Variants in UBP1 observed in about 807,000 individuals in gnomAD.
UBP1 encodes the protein upstream-binding protein 1.
A neutral mutation model predicts 76.1 loss-of-function variants in UBP1; 22 were observed. The observed-to-expected ratio is 0.29, with a 90% CI of 0.21 to 0.41. The LOEUF (loss-of-function observed/expected upper bound fraction) is 0.41. UBP1 is among the 10% of genes least tolerant of loss of function. The pLI is 1.00. For missense variants in UBP1, 436 were observed against 668.1 expected (o/e 0.65, Z 3.83); for synonymous variants, 224 against 237.1 (o/e 0.94, Z 0.51).
At chr3:33,396,135 C>T in intron 13 of UBP1, 27 bp downstream of exon 13, 1 of 1,520,004 alleles carries the variant, frequency 6.6e-7, no homozygotes, top group Non-Finnish European at 9.0e-7. Context: ...TCAGAAGTGA[C>T]AGAATTGAGA....
chr3:33,432,884 A>G (rs1317547351), intron 1 of UBP1, among the ~76,000 whole-genome samples: 9 of 152,220 alleles, frequency 5.9e-5, no homozygotes, highest in Admixed American at 5.9e-4. Flanking sequence ...TTGTATAAGT[A>G]GGAGAAGCTG....
chr3:33,432,652 T>G (rs1181997197), intron 1 of UBP1, among the ~76,000 whole-genome samples: 1 of 152,158 alleles, frequency 6.6e-6, no homozygotes, highest in Non-Finnish European at 1.5e-5. Context: ...ATTACATGTT[T>G]CTAAAACAGT....
At chr3:33,400,090 C>G in intron 11 of UBP1, 99 bp downstream of exon 11, 1 of 686,402 alleles carries the variant, frequency 1.5e-6, no homozygotes, top group Non-Finnish European at 2.1e-6. Context: ...AACTTCCTAT[C>G]CATAGTTATT....
intron 2 of UBP1, among the ~76,000 whole-genome samples, chr3:33,421,827 T>C (rs2044902738): frequency 2.0e-5 from 3 of 152,100 alleles, no homozygotes; most frequent in Admixed American, 6.5e-5. Context: ...GGTGGGTGGA[T>C]CACTTGAAGC....
chr3:33,412,932 A>G (rs2044629259), intron 3 of UBP1, 105 bp from the exon 4 acceptor site: 2 of 705,504 alleles, frequency 2.8e-6, no homozygotes, highest in Non-Finnish European at 5.1e-6. Context: ...AACACATACA[A>G]CTAGATTCTG....
chr3:33,415,149 T>C (rs1248208947), intron 3 of UBP1, among the ~76,000 whole-genome samples: 1 of 152,238 alleles, frequency 6.6e-6, no homozygotes, highest in East Asian at 1.9e-4. Flanking sequence ...CTTGCCAAAA[T>C]ATTTTAAACA....
chr3:33,439,994 G>T lies in UBP1; in HGVS notation c.-146C>A. On this transcript the variant is annotated 5_prime_UTR_variant, in exon 1 of 16. Coordinates refer to ENST00000283629, the MANE Select transcript of UBP1 (RefSeq NM_014517.5). The stretch of plus-strand genomic sequence containing the variant: ...GTCACCAGCGGCGGCCGGGACGAGA[G>T]CTGCGGGGGCCCCACTGGCAGGGCA... The T allele has an allele frequency of 1.3e-6, 1 of 780,872 alleles. No individual in the cohort carries two copies. The highest frequency in any genetic ancestry group is 1.9e-6 in the Non-Finnish European group (1 of 522,678). The allele number at this position is 780,872 out of a possible 1,614,324, so 48.4% of individuals were successfully genotyped here. A position where few individuals can be genotyped will look rare whatever the true frequency, so the allele number is the denominator to read the frequency against.
chr3:33,393,881 A>G (rs1192729232), intron 13 of UBP1, among the ~76,000 whole-genome samples: 1 of 152,244 alleles, frequency 6.6e-6, no homozygotes, highest in Non-Finnish European at 1.5e-5. Flanking sequence ...TAAATTGGCT[A>G]AAATACCATT....
In UBP1 at chr3:33,434,730, AG is replaced by A. The variant is rs533386507; in HGVS notation, c.113+5005del. On this transcript the variant is annotated intron_variant, in intron 1 of 15. Transcript: ENST00000283629. ...TGAGATGGAGTCTCTCTCTGTCACC[AG>A]GCTGGAGCACAGTGGCGCGATCTCA... Among the ~76,000 whole-genome samples, 28 of 124,236 alleles carry A rather than the reference AG, an allele frequency of 2.3e-4. No individual in the cohort carries two copies. The South Asian group carries it at 6.7e-3, about 30-fold the overall frequency. 81.5% of individuals were successfully genotyped at this position (124,236 alleles called of 152,430 possible). A position where few individuals can be genotyped will look rare whatever the true frequency, so the allele number is the denominator to read the frequency against.
intron 1 of UBP1, among the ~76,000 whole-genome samples, chr3:33,431,743 GAAAA>G (rs200249392): frequency 1.7e-5 from 2 of 114,532 alleles, no homozygotes; most frequent in Admixed American, 1.6e-4. Flanking sequence ...CCGTCTCAAA[GAAAA>G]AAAAAAAAAA....
intron 8 of UBP1, among the ~76,000 whole-genome samples, chr3:33,404,681 T>C (rs1421115877): frequency 3.9e-5 from 6 of 152,092 alleles, no homozygotes; most frequent in Non-Finnish European, 7.4e-5. Flanking sequence ...ATAACTCTAA[T>C]GACTAAGTTT....
rs767116662 is a variant in UBP1, at chr3:33,408,718, T to C, written c.899A>G (p.Tyr300Cys). The C allele has an allele frequency of 1.2e-6, 2 of 1,614,040 alleles. No individual in the cohort carries two copies. Among genetic ancestry groups the C allele is most frequent in the Non-Finnish European group, 1.7e-6 (2 of 1,179,944 alleles). Reference sequence around the variant, plus strand: ...GCCTCGCTTTGCCAGAGAATCACCGTAGTCTGCTGGCAAAGTCCGCTTGCT... The same window carrying C: ...GCCTCGCTTTGCCAGAGAATCACCGCAGTCTGCTGGCAAAGTCCGCTTGCT... ...KSSKRTLPAD[Y>C]GDSLAKRGSC... is the part of the protein sequence containing the mutation. Residue 300 changes from tyrosine to cysteine, a missense_variant, in exon 8 of 16, where the codon TAC becomes TGC. By Grantham distance (194) the Tyr-to-Cys change is radical (BLOSUM62 -2). Around this residue, in one of 3 missense-constraint regions of UBP1, gnomAD observed 65 missense variants for 157.4 expected, o/e 0.41. Coordinates refer to ENST00000283629, the MANE Select transcript of UBP1 (RefSeq NM_014517.5).
At chr3:33,404,886 T>C (rs1339019289) in intron 8 of UBP1, among the ~76,000 whole-genome samples, 1 of 152,196 alleles carries the variant, frequency 6.6e-6, no homozygotes, top group Non-Finnish European at 1.5e-5. Flanking sequence ...TGCTCATATG[T>C]ATAAAATTCT....
intron 9 of UBP1, among the ~76,000 whole-genome samples, chr3:33,402,563 C>A (rs950214303): frequency 6.6e-6 from 1 of 152,120 alleles, no homozygotes; most frequent in Non-Finnish European, 1.5e-5. Flanking sequence ...AAAATGGCGC[C>A]TTGTCTACAA....
intron 8 of UBP1, among the ~76,000 whole-genome samples, chr3:33,404,281 G>A (rs747434487): frequency 8.6e-5 from 13 of 152,042 alleles, no homozygotes; most frequent in South Asian, 6.2e-4. Context: ...GCGTAGTGGC[G>A]TGTGCCTGTA....
chr3:33,400,573 C>G (rs1411846162), intron 10 of UBP1, among the ~76,000 whole-genome samples: 1 of 152,030 alleles, frequency 6.6e-6, no homozygotes, highest in African/African-American at 2.4e-5. Context: ...ATAAGCCAGG[C>G]ACAGAAAGAC....
At position 33,402,839 on chromosome 3, in the gene UBP1, G is replaced by A; in HGVS notation, c.993C>T (p.Phe331=). Residue 331 remains phenylalanine, a synonymous_variant, in exon 9 of 16, where the codon TTC becomes TTT. Transcript: ENST00000283629. ...TGCAAGTGCTCTGCTGTGGGGAGGT[G>A]AAAGTGGGCGCTGGGGAAGGGCTGT... is the stretch of plus-strand genomic sequence containing the variant. ...VNNSPSPAPT[F]TSPQQSTCSV... is the part of the protein sequence containing the mutation. 6.2e-7 allele frequency: 1 copy of A among 1,608,110 alleles called. No individual in the cohort carries two copies. The highest frequency in any genetic ancestry group is 8.5e-7 in the Non-Finnish European group (1 of 1,177,920).
intron 1 of UBP1, among the ~76,000 whole-genome samples, chr3:33,436,134 T>C (rs575358490): frequency 1.3e-5 from 2 of 152,216 alleles, no homozygotes; most frequent in Non-Finnish European, 2.9e-5. Context: ...TTTTTTAACT[T>C]TTTAAAAAGT....
chr3:33,395,528 T>C (rs1428230450), intron 13 of UBP1, among the ~76,000 whole-genome samples: 1 of 151,922 alleles, frequency 6.6e-6, no homozygotes, highest in Admixed American at 6.6e-5. Flanking sequence ...CACTATACCG[T>C]ACAATTAAAT....
Sources: gnomAD v4.1 joint callset for allele counts (sites outside exome capture counted in the v4.1 genomes callset) on GRCh38, gnomAD v4.1.1 for gene constraint, gnomAD v4.1.1 regional missense constraint, MANE v1.5 for transcripts, NCBI Gene and HGNC (gene_info 2026-07-23, HGNC 2026-07-21) for gene names.